PPFIA1: variants seen among roughly 807,000 people sequenced by gnomAD.
PPFIA1 encodes the protein liprin-alpha-1.
In PPFIA1, 25 loss-of-function variants were observed where a neutral mutation model predicts 149.9. That is an observed-to-expected ratio of 0.17 (90% confidence interval 0.12 to 0.23). The LOEUF (loss-of-function observed/expected upper bound fraction) is 0.23, where lower values mean the gene tolerates loss of function less well. Among genes scored for constraint, PPFIA1 ranks in the 10% least tolerant of loss-of-function variants. The probability of loss-of-function intolerance (pLI) is 1.00; values close to 1 mark genes in which losing one functional copy is unlikely to be tolerated. For synonymous variants in PPFIA1, 549 were observed against 552.8 expected, an observed-to-expected ratio of 0.99 and a Z score of 0.10; for missense variants, 1,362 against 1,506.5, an observed-to-expected ratio of 0.90 and a Z score of 1.59.
chr11:70,320,554 G>A (rs935631547), intron 2 of PPFIA1, among the ~76,000 whole-genome samples: 4 of 151,320 alleles, frequency 2.6e-5, no homozygotes, highest in African/African-American at 7.3e-5. Context: ...CTGAGTAGCC[G>A]GGTCTATGCT....
chr11:70,309,535 TAAC>T (rs2053116322), intron 2 of PPFIA1, among the ~76,000 whole-genome samples: 1 of 151,918 alleles, frequency 6.6e-6, no homozygotes, highest in South Asian at 2.1e-4. Flanking sequence ...ATTGAAATGC[TAAC>T]AACAACCAAA....
At chr11:70,348,988 A>G (rs1450857316) in intron 16 of PPFIA1, among the ~76,000 whole-genome samples, 1 of 152,186 alleles carries the variant, frequency 6.6e-6, no homozygotes, top group Non-Finnish European at 1.5e-5. Flanking sequence ...AGCAGCCAGA[A>G]GGGGAAATAT....
chr11:70,330,793 C>T lies in PPFIA1; in HGVS notation c.1077+474C>T, dbSNP rs111459255. Among the ~76,000 whole-genome samples the T allele has an allele frequency of 6.0e-3, 860 of 144,080 alleles. 4 individuals carry two copies. The highest frequency in any genetic ancestry group is 0.022 in the African/African-American group (825 of 37,676). The allele number at this position is 144,080 out of a possible 152,430, so 94.5% of individuals were successfully genotyped here. On this transcript the variant is annotated intron_variant, in intron 8 of 27. Transcript: ENST00000253925. ...CTCTACAGAAAATTAATAAATTAGCCGGGCATGGTGGCATGTGCCTTTAGC... is the reference window on the plus strand; with the variant it reads ...CTCTACAGAAAATTAATAAATTAGCTGGGCATGGTGGCATGTGCCTTTAGC...
intron 16 of PPFIA1, among the ~76,000 whole-genome samples, chr11:70,349,584 T>C (rs796462847): frequency 1.3e-5 from 2 of 152,364 alleles, no homozygotes; most frequent in South Asian, 4.1e-4. Flanking sequence ...TTTTTTCCCG[T>C]TACCATCTAT....
chr11:70,319,088 C>T (rs1186231199), intron 2 of PPFIA1, among the ~76,000 whole-genome samples: 1 of 152,228 alleles, frequency 6.6e-6, no homozygotes, highest in African/African-American at 2.4e-5. Flanking sequence ...AACTTTTACA[C>T]CTTCCCTTCA....
At position 70,371,915 on chromosome 11, in the gene PPFIA1, A is replaced by G. The variant is rs1407099520; in HGVS notation, c.2866-300A>G. ...CGTGATCAATCTTTGTCACATTATT[A>G]TACTAAAAACTATCTCAGAGAGGAA... On this transcript the variant is annotated intron_variant, in intron 21 of 27. Transcript: ENST00000253925. The G allele has an allele frequency of 3.3e-5, 7 of 211,052 alleles. No individual in the cohort carries two copies. In the East Asian group the frequency reaches 5.5e-4, roughly 17 times the overall value. The allele number at this position is 211,052 out of a possible 1,614,324, so 13.1% of individuals were successfully genotyped here.
chr11:70,366,378 T>C (rs764420350), intron 21 of PPFIA1, among the ~76,000 whole-genome samples: 10 of 152,246 alleles, frequency 6.6e-5, no homozygotes, highest in Admixed American at 1.3e-4. Flanking sequence ...TGACTTTTCC[T>C]CTGTGCCTTT....
intron 9 of PPFIA1, among the ~76,000 whole-genome samples, chr11:70,332,599 A>G (rs190883186): frequency 1.2e-4 from 19 of 152,300 alleles, no homozygotes; most frequent in African/African-American, 2.6e-4. Context: ...TTGTCCAACA[A>G]CTGTTGACTA....
At chr11:70,378,493 T>A (rs531917) in intron 26 of PPFIA1, 402,643 of 1,085,754 alleles carry the variant, frequency 0.37, 81,045 homozygotes, top group African/African-American at 0.77. Flanking sequence ...ACTTGTAAAT[T>A]TGTGTCTGTG....
intron 25 of PPFIA1, among the ~76,000 whole-genome samples, chr11:70,377,213 AG>A (rs2057529325): frequency 6.6e-6 from 1 of 152,188 alleles, no homozygotes; most frequent in Non-Finnish European, 1.5e-5. Context: ...GTTGCAGCTT[AG>A]GAACAGAGTC....
At chr11:70,376,474 AAC>A in intron 24 of PPFIA1, 56 bp from the exon 25 acceptor site, 2 of 1,504,378 alleles carry the variant, frequency 1.3e-6, no homozygotes, top group Non-Finnish European at 1.9e-6. Flanking sequence ...TTACGATGCT[AAC>A]ACCCTTCAAA....
chr11:70,362,428 G>A lies in PPFIA1; in HGVS notation c.2805G>A (p.Arg935=), dbSNP rs770481833. The A allele has an allele frequency of 8.7e-6, 14 of 1,614,044 alleles. No homozygotes were observed. Among genetic ancestry groups the A allele is most frequent in the Admixed American group, 5.0e-5 (3 of 60,004 alleles). Residue 935 remains arginine (R), a synonymous_variant, in exon 21 of 28, where the codon AGG becomes AGA. Transcript: ENST00000253925. Reference sequence around the variant, plus strand: ...ACCCCCTGCACAGGCTGAAGCTGAGGCTGGCCATCCAGGAGATCATGTCGC... The same window carrying A: ...ACCCCCTGCACAGGCTGAAGCTGAGACTGGCCATCCAGGAGATCATGTCGC... ...ISNPLHRLKL[R]LAIQEIMSLT...
intron 2 of PPFIA1, among the ~76,000 whole-genome samples, chr11:70,313,886 C>T (rs1237844358): frequency 6.6e-6 from 1 of 152,062 alleles, no homozygotes; most frequent in African/African-American, 2.4e-5. Context: ...GGCATGGTGG[C>T]GCATGCCTGT....
At chr11:70,288,146 T>C (rs1158084534) in intron 2 of PPFIA1, among the ~76,000 whole-genome samples, 9 of 151,102 alleles carry the variant, frequency 6.0e-5, no homozygotes, top group African/African-American at 1.9e-4. Flanking sequence ...ACAATCTGGC[T>C]CACTGCAACC....
chr11:70,360,428 G>A (rs2056580721), intron 19 of PPFIA1, among the ~76,000 whole-genome samples: 2 of 152,248 alleles, frequency 1.3e-5, no homozygotes, highest in Non-Finnish European at 2.9e-5. Flanking sequence ...CTCCTGACTT[G>A]GCAGCAGTCA....
intron 21 of PPFIA1, chr11:70,371,580 G>A (rs1268103385): frequency 0.028 from 1 of 36 alleles, no homozygotes; most frequent in Non-Finnish European, 0.056. Context: ...TGAAACGTCA[G>A]GTCAAGTTTG....
chr11:70,285,928 G>A (rs902235025), intron 2 of PPFIA1, among the ~76,000 whole-genome samples: 7 of 152,114 alleles, frequency 4.6e-5, no homozygotes, highest in Non-Finnish European at 1.5e-5. Flanking sequence ...TGTATGAAGA[G>A]AAATGGAAAA....
In PPFIA1 at chr11:70,324,949, G is replaced by A; in HGVS notation, c.469G>A (p.Glu157Lys). ...QAQSPAGVSS[E>K]VEVLKALKSL... The stretch of plus-strand genomic sequence containing the variant: ...GCAGTCTCCAGCAGGCGTGTCCAGC[G>A]AAGTGGAAGTGCTGAAAGCACTGAA... Residue 157 changes from glutamate to lysine, a missense_variant, in exon 4 of 28, where the codon GAA becomes AAA. Coordinates refer to ENST00000253925, the MANE Select transcript of PPFIA1 (RefSeq NM_003626.5). 1 of 1,614,078 alleles carries A rather than the reference G, an allele frequency of 6.2e-7. No homozygotes were observed. The highest frequency in any genetic ancestry group is 8.5e-7 in the Non-Finnish European group (1 of 1,179,994).
intron 2 of PPFIA1, among the ~76,000 whole-genome samples, chr11:70,272,749 A>G (rs984037168): frequency 9.2e-5 from 14 of 152,220 alleles, no homozygotes; most frequent in Non-Finnish European, 1.9e-4. Context: ...TGGTGCCTCC[A>G]TTCTGTTGTC....
Sources: allele counts gnomAD v4.1 joint callset (sites outside exome capture counted in the v4.1 genomes callset), GRCh38; gene constraint gnomAD v4.1.1; transcripts MANE v1.5; gene names NCBI Gene and HGNC (gene_info 2026-07-23, HGNC 2026-07-21).